Variants in OXR1 observed in about 807,000 individuals in gnomAD.
The protein encoded by OXR1 is oxidation resistance protein 1.
Under a neutral mutation model 104.6 loss-of-function variants are expected in OXR1, and 41 were observed. The ratio of observed to expected loss-of-function variants is 0.39; its 90% confidence interval spans 0.31 to 0.51. OXR1 has a LOEUF of 0.51. Ranked by LOEUF, OXR1 falls within the 20% of genes least tolerant of loss-of-function variation. The pLI is 0.77. For synonymous variants in OXR1, 348 were observed against 348.4 expected, an observed-to-expected ratio of 1.00 and a Z score of 0.01; for missense variants, 955 against 1,031.9, an observed-to-expected ratio of 0.93 and a Z score of 1.02.
rs529755564 is a variant in OXR1 at position 106,611,992 on chromosome 8, G to C, written c.221-67218G>C. ...TTCGTGAGAACTGCCTTATTTCCAG[G>C]ATTAATTCTGTATGACTGAGAGAGC... On this transcript the variant is annotated intron_variant, in intron 3 of 16. Transcript: ENST00000517566. Among the ~76,000 whole-genome samples, 16 of 151,764 alleles carry C rather than the reference G, an allele frequency of 1.1e-4. No individual in the cohort carries two copies. In the East Asian group the frequency reaches 2.1e-3, roughly 20 times the overall value.
Position 106,683,137 on chromosome 8 carries a change from A to T in OXR1, c.304-62A>T, listed in dbSNP as rs1035183424. The T allele has an allele frequency of 1.8e-5, 14 of 782,316 alleles. No homozygotes were observed. The Admixed American group carries it at 2.6e-4, about 15-fold the overall frequency. 48.5% of individuals were successfully genotyped at this position (782,316 alleles called of 1,614,324 possible). Reference sequence around the variant, plus strand: ...TCCCTAGATATATTAATGCTCATTAAATATTATAGTTTAGTTTTTCTGTTT... The same window carrying T: ...TCCCTAGATATATTAATGCTCATTATATATTATAGTTTAGTTTTTCTGTTT... On this transcript the variant is annotated intron_variant, in intron 4 of 16. Transcript: ENST00000517566.
At chr8:106,741,907 A>G (rs1409285737) in intron 14 of OXR1, among the ~76,000 whole-genome samples, 1 of 152,188 alleles carries the variant, frequency 6.6e-6, no homozygotes, top group Non-Finnish European at 1.5e-5. Context: ...CATATCATAC[A>G]TACATTGTAC....
At chr8:106,368,792 A>G (rs529213680) in intron 2 of OXR1, among the ~76,000 whole-genome samples, 49 of 152,332 alleles carry the variant, frequency 3.2e-4, no homozygotes, top group African/African-American at 1.2e-3. Flanking sequence ...TTCTTTATCC[A>G]GTCTGCAGTT....
intron 2 of OXR1, among the ~76,000 whole-genome samples, chr8:106,368,357 A>T (rs1347285995): frequency 6.6e-6 from 1 of 152,130 alleles, no homozygotes; most frequent in Non-Finnish European, 1.5e-5. Flanking sequence ...AATCTGACAC[A>T]TCTGAATAAT....
chr8:106,647,100 T>A (rs1397057861), intron 3 of OXR1, among the ~76,000 whole-genome samples: 1 of 152,244 alleles, frequency 6.6e-6, no homozygotes, highest in East Asian at 1.9e-4. Context: ...AAGTTTCAAT[T>A]ATAATTGTTA....
chr8:106,625,390 G>T (rs1822063938), intron 3 of OXR1, among the ~76,000 whole-genome samples: 2 of 152,126 alleles, frequency 1.3e-5, no homozygotes, highest in South Asian at 4.1e-4. Context: ...GATAGAAAAT[G>T]GATTTGTGAC....
intron 3 of OXR1, among the ~76,000 whole-genome samples, chr8:106,612,957 A>C (rs760143973): frequency 1.3e-5 from 2 of 152,150 alleles, no homozygotes; most frequent in African/African-American, 2.4e-5. Flanking sequence ...CAGAATCATA[A>C]CTGCTCATCA....
At chr8:106,463,636 G>A (rs1821023816) in intron 2 of OXR1, among the ~76,000 whole-genome samples, 2 of 152,060 alleles carry the variant, frequency 1.3e-5, no homozygotes, top group Non-Finnish European at 1.5e-5. Context: ...GGAGCACAGC[G>A]AGGCTGTATC....
intron 2 of OXR1, among the ~76,000 whole-genome samples, chr8:106,365,144 G>C (rs557660357): frequency 2.0e-5 from 3 of 152,030 alleles, no homozygotes; most frequent in South Asian, 2.1e-4. Flanking sequence ...AAAGAGAAAG[G>C]TTAGATATGA....
intron 2 of OXR1, among the ~76,000 whole-genome samples, chr8:106,426,620 A>G (rs1029853310): frequency 3.3e-5 from 5 of 152,166 alleles, no homozygotes; most frequent in African/African-American, 1.2e-4. Flanking sequence ...CCCTAGATAC[A>G]GGTTGTGTGG....
At chr8:106,699,119 A>G (rs867508110) in intron 7 of OXR1, among the ~76,000 whole-genome samples, 2 of 152,294 alleles carry the variant, frequency 1.3e-5, no homozygotes, top group Middle Eastern at 3.4e-3. Context: ...TTTTCTCCTT[A>G]CTAAGACAAT....
intron 1 of OXR1, among the ~76,000 whole-genome samples, chr8:106,348,540 T>C (rs1196725778): frequency 6.6e-6 from 1 of 152,170 alleles, no homozygotes; most frequent in African/African-American, 2.4e-5. Flanking sequence ...CAATCTTTTT[T>C]ATTGGGCAAT....
intron 6 of OXR1, among the ~76,000 whole-genome samples, chr8:106,690,511 A>G (rs1829171734): frequency 6.6e-6 from 1 of 151,084 alleles, no homozygotes; most frequent in Non-Finnish European, 1.5e-5. Context: ...GGAAACAAAT[A>G]TTTTATATAG....
intron 3 of OXR1, among the ~76,000 whole-genome samples, chr8:106,574,345 G>T (rs1000869795): frequency 6.6e-6 from 1 of 152,096 alleles, no homozygotes; most frequent in African/African-American, 2.4e-5. Flanking sequence ...GGTCTAAAAA[G>T]CCTTTGCTGG....
At chr8:106,697,923 C>T (rs1830218762) in intron 7 of OXR1, 33 of 1,612,178 alleles carry the variant, frequency 2.0e-5, no homozygotes, top group Non-Finnish European at 2.8e-5. Context: ...TCCACTGGAT[C>T]AGGATCTGCT....
intron 7 of OXR1, among the ~76,000 whole-genome samples, chr8:106,693,290 A>T (rs1829495360): frequency 6.6e-6 from 1 of 152,148 alleles, no homozygotes; most frequent in Admixed American, 6.5e-5. Flanking sequence ...TATTTTATCA[A>T]TTCAAAACAA....
Position 106,424,980 on chromosome 8 carries a change from C to A in OXR1, c.23+65344C>A, listed in dbSNP as rs143469650. Among the ~76,000 whole-genome samples the A allele has an allele frequency of 1.5e-3, 227 of 147,012 alleles. No homozygotes were observed. The East Asian group carries it at 0.033, about 21-fold the overall frequency. ...TTGAACTATTGCTTTCATCATTAAT[C>A]AAAAAAATAAATTGAAGACTAATTT... On this transcript the variant is annotated intron_variant, in intron 2 of 16. Transcript: ENST00000517566.
rs181049899 is a variant in OXR1 at position 106,341,785 on chromosome 8, A to G, written c.-138-17691A>G. ...AAAAAGTGTTTCTCTATCTGCATCC[A>G]AGATCACCTCATTTTGTCAAGCCTC... On this transcript the variant is annotated intron_variant, in intron 1 of 16. Transcript: ENST00000517566. 1.1e-4 allele frequency among the ~76,000 whole-genome samples: 17 copies of G among 152,050 alleles called. No homozygotes were observed. The East Asian group carries it at 3.1e-3, about 28-fold the overall frequency.
At chr8:106,720,628 C>T (rs887592589) in intron 11 of OXR1, 1 of 449,630 alleles carries the variant, frequency 2.2e-6, no homozygotes, top group African/African-American at 2.1e-5. Flanking sequence ...TCCTCAGTAA[C>T]AGCCATGCAG....
Sources: gnomAD v4.1 joint callset for allele counts (sites outside exome capture counted in the v4.1 genomes callset) on GRCh38, gnomAD v4.1.1 for gene constraint, MANE v1.5 for transcripts, NCBI Gene and HGNC (gene_info 2026-07-23, HGNC 2026-07-21) for gene names.